MZT1: variants seen among roughly 807,000 people sequenced by gnomAD.
MZT1 encodes mitotic-spindle organizing protein 1.
Under a neutral mutation model 8.5 loss-of-function variants are expected in MZT1, and 8 were observed. The ratio of observed to expected loss-of-function variants is 0.94; its 90% CI spans 0.55 to 1.70. The LOEUF (loss-of-function observed/expected upper bound fraction) is 1.70. MZT1 is among the 40% of genes most tolerant of loss of function. The pLI, the probability that MZT1 is intolerant of heterozygous loss-of-function variation, is 0.00. For missense variants in MZT1, 93 were observed against 108.6 expected (o/e 0.86, Z 0.64); for synonymous variants, 38 against 42.0 (o/e 0.90, Z 0.37).
chr13:72,723,627 T>G (rs543393523), intron 1 of MZT1, among the ~76,000 whole-genome samples: 1 of 152,354 alleles, frequency 6.6e-6, no homozygotes, highest in East Asian at 1.9e-4. Context: ...TATCTCATTA[T>G]GTATGTGAAA....
At chr13:72,719,186 G>T in intron 1 of MZT1, 89 bp from the exon 2 acceptor site, 1 of 1,020,558 alleles carries the variant, frequency 9.8e-7, no homozygotes, top group Non-Finnish European at 1.3e-6. Context: ...ATATATCACT[G>T]CACAATACCA....
At chr13:72,718,564 G>A (rs1175892330) in intron 2 of MZT1, among the ~76,000 whole-genome samples, 1 of 151,538 alleles carries the variant, frequency 6.6e-6, no homozygotes, top group Non-Finnish European at 1.5e-5. Context: ...CAAGCTCCGC[G>A]CCTCCTGGGT....
At chr13:72,724,539 G>GTTT (rs201616341) in intron 1 of MZT1, among the ~76,000 whole-genome samples, 6 of 111,476 alleles carry the variant, frequency 5.4e-5, no homozygotes, top group Admixed American at 9.5e-5. Context: ...TCTATAACGT[G>GTTT]TTTTTTTTTT....
intron 1 of MZT1, among the ~76,000 whole-genome samples, chr13:72,726,176 T>G (rs772716228): frequency 6.6e-6 from 1 of 152,146 alleles, no homozygotes; most frequent in Non-Finnish European, 1.5e-5. Context: ...ACGCCTGTAA[T>G]CCTAGCATTT....
intron 1 of MZT1, among the ~76,000 whole-genome samples, chr13:72,727,305 C>T (rs2032682212): frequency 1.3e-5 from 2 of 152,220 alleles, no homozygotes; most frequent in South Asian, 4.1e-4. Context: ...GACTAGGGGC[C>T]GCAACGCCTA....
intron 1 of MZT1, among the ~76,000 whole-genome samples, chr13:72,720,447 T>C (rs1285269524): frequency 6.6e-6 from 1 of 152,196 alleles, no homozygotes; most frequent in Non-Finnish European, 1.5e-5. Context: ...ACTACATTAT[T>C]ATTTTGGGAA....
Position 72,719,084 on chromosome 13 carries a change from A to T in MZT1, c.93T>A (p.Ile31=). The T allele has an allele frequency of 5.9e-6, 9 of 1,538,084 alleles. No individual in the cohort carries two copies. The highest frequency in any genetic ancestry group is 6.9e-6 in the Non-Finnish European group (8 of 1,155,322). ...VRETMDVLLE[I]SRILNTGLDM... ...CTAAGCCAGTATTCAAAATTCTTGA[A>T]ATCTCAAGCAGAACTGAAAAAAGAT... Residue 31 remains isoleucine (I), a synonymous_variant, in exon 2 of 3, where the codon ATT becomes ATA. Transcript: ENST00000377818.
rs140919202 is a variant in MZT1, at chr13:72,713,901, C to T, written c.226-3556G>A. Among the ~76,000 whole-genome samples the T allele has an allele frequency of 9.3e-3, 1,421 of 152,264 alleles. 24 individuals are homozygous for T. Among genetic ancestry groups the T allele is most frequent in the Middle Eastern group, 0.014 (4 of 292 alleles). On this transcript the variant is annotated intron_variant, in intron 2 of 2. Transcript: ENST00000377818. The stretch of plus-strand genomic sequence containing the variant: ...ATGCCAGTAAAGCCTGTAGAACATA[C>T]GGTCTGGCATGAGAAAAGTATTCAT...
At chr13:72,710,382 A>G (rs1229710240) in intron 2 of MZT1, 37 bp from the exon 3 acceptor site, 9 of 1,605,174 alleles carry the variant, frequency 5.6e-6, no homozygotes, top group Non-Finnish European at 7.7e-6. Context: ...CAATAAAACC[A>G]TGGAAAAAGA....
chr13:72,724,719 C>CAT (rs1217685191), intron 1 of MZT1, among the ~76,000 whole-genome samples: 933 of 27,788 alleles, frequency 0.034, 111 homozygotes, highest in East Asian at 0.14. Context: ...TATATATATA[C>CAT]ATATATATAT....
At chr13:72,727,421 T>G in intron 1 of MZT1, 103 bp downstream of exon 1, 1 of 1,134,354 alleles carries the variant, frequency 8.8e-7, no homozygotes, top group Non-Finnish European at 1.3e-6. Context: ...AGATGCCGTT[T>G]GGGGCACTAA....
Position 72,710,320 on chromosome 13 carries a change from AG to A in MZT1, c.*1del. 1 of 1,613,278 alleles carries A rather than the reference AG, an allele frequency of 6.2e-7. No individual in the cohort carries two copies. Among genetic ancestry groups the A allele is most frequent in the Non-Finnish European group, 8.5e-7 (1 of 1,179,394 alleles). On this transcript the variant is annotated 3_prime_UTR_variant, in exon 3 of 3. Coordinates refer to ENST00000377818, the MANE Select transcript of MZT1 (RefSeq NM_001071775.3). ...ATATCTCATCAGAATTTCTCCAGAA[AG>A]TCAGCTTGTCATATTTTCAGCAGCC... is the stretch of plus-strand genomic sequence containing the variant.
At chr13:72,714,339 AACTTAT>A (rs1197457724) in intron 2 of MZT1, among the ~76,000 whole-genome samples, 2 of 152,254 alleles carry the variant, frequency 1.3e-5, no homozygotes, top group African/African-American at 2.4e-5. Context: ...CTAAGGCTGG[AACTTAT>A]ACTTAAAGGG....
chr13:72,718,669 T>C (rs942483319), intron 2 of MZT1, among the ~76,000 whole-genome samples: 5 of 151,958 alleles, frequency 3.3e-5, no homozygotes, highest in Non-Finnish European at 5.9e-5. Flanking sequence ...TAGTAGAGAA[T>C]GGGGCTTTAC....
At chr13:72,722,355 C>T (rs2032600023) in intron 1 of MZT1, among the ~76,000 whole-genome samples, 1 of 152,208 alleles carries the variant, frequency 6.6e-6, no homozygotes, top group Non-Finnish European at 1.5e-5. Flanking sequence ...GTTTTGCTGA[C>T]ACTGCCTTGC....
At chr13:72,716,287 G>T (rs1237692554) in intron 2 of MZT1, among the ~76,000 whole-genome samples, 1 of 152,124 alleles carries the variant, frequency 6.6e-6, no homozygotes, top group East Asian at 1.9e-4. Flanking sequence ...AGTAGTTACT[G>T]GAGAGGAGAG....
chr13:72,710,075 C>T lies in MZT1; in HGVS notation c.*247G>A, dbSNP rs146911858. On this transcript the variant is annotated 3_prime_UTR_variant, in exon 3 of 3. Transcript: ENST00000377818. Reference sequence around the variant, plus strand: ...TAAATAAGGAATACATAAATATGAACATAGCAATGCCAAAGCATTAGAGCT... The same window carrying T: ...TAAATAAGGAATACATAAATATGAATATAGCAATGCCAAAGCATTAGAGCT... 2.1e-3 allele frequency: 1,068 copies of T among 499,210 alleles called. 9 individuals are homozygous for T. Among genetic ancestry groups the T allele is most frequent in the African/African-American group, 0.013 (678 of 50,602 alleles). The allele number at this position is 499,210 out of a possible 1,614,324, so 30.9% of individuals were successfully genotyped here. A position where few individuals can be genotyped will look rare whatever the true frequency, so the allele number is the denominator to read the frequency against.
At chr13:72,727,433 G>A (rs1056765575) in intron 1 of MZT1, 91 bp downstream of exon 1, 54 of 1,277,580 alleles carry the variant, frequency 4.2e-5, no homozygotes, top group Non-Finnish European at 5.6e-5. Context: ...GGGCACTAAG[G>A]GGACCTGAAG....
At chr13:72,715,702 A>G (rs972616119) in intron 2 of MZT1, among the ~76,000 whole-genome samples, 1 of 152,062 alleles carries the variant, frequency 6.6e-6, no homozygotes, top group Non-Finnish European at 1.5e-5. Flanking sequence ...AATTCTTAAG[A>G]GTTATGGTTA....
Sources: gnomAD v4.1 joint callset for allele counts (sites outside exome capture counted in the v4.1 genomes callset) on GRCh38, gnomAD v4.1.1 for gene constraint, MANE v1.5 for transcripts, NCBI Gene and HGNC (gene_info 2026-07-23, HGNC 2026-07-21) for gene names.